PSMD1: variants seen among roughly 807,000 people sequenced by gnomAD.
PSMD1 encodes the protein proteasome 26S subunit, non-ATPase 1.
Under a neutral mutation model 119.0 loss-of-function variants are expected in PSMD1, and 18 were observed. That is an observed-to-expected ratio of 0.15 (90% CI 0.10 to 0.22). PSMD1 has a LOEUF of 0.22. PSMD1 is among the 10% of genes least tolerant of loss of function. The probability of loss-of-function intolerance (pLI) is 1.00; values close to 1 mark genes in which losing one functional copy is unlikely to be tolerated. For missense variants in PSMD1, 702 were observed against 1,158.5 expected, an observed-to-expected ratio of 0.61 and a Z score of 5.72; for synonymous variants, 374 against 396.6, an observed-to-expected ratio of 0.94 and a Z score of 0.68.
At chr2:231,152,578 A>G (rs1005747483) in intron 18 of PSMD1, among the ~76,000 whole-genome samples, 10 of 152,206 alleles carry the variant, frequency 6.6e-5, no homozygotes, top group African/African-American at 1.2e-4. Flanking sequence ...GTGTGATTCT[A>G]TTATTCTGCC....
Position 231,170,442 on chromosome 2 carries a change from C to T in PSMD1, c.2716-124C>T. The T allele has an allele frequency of 9.6e-7, 1 of 1,040,926 alleles. No individual in the cohort carries two copies. The highest frequency in any genetic ancestry group is 1.3e-6 in the Non-Finnish European group (1 of 745,674). 64.5% of individuals were successfully genotyped at this position (1,040,926 alleles called of 1,614,324 possible). A position where few individuals can be genotyped will look rare whatever the true frequency, so the allele number is the denominator to read the frequency against. Reference sequence around the variant, plus strand: ...TTATCTTTATCCCAGTAAAGTTCTACTCCAGTTTTTCACTTCCAAATCATT... The same window carrying T: ...TTATCTTTATCCCAGTAAAGTTCTATTCCAGTTTTTCACTTCCAAATCATT... On this transcript the variant is annotated intron_variant, in intron 23 of 24. Coordinates refer to ENST00000308696, the MANE Select transcript of PSMD1 (RefSeq NM_002807.4). The surrounding 1 kb of genome is among the most constrained non-coding windows in gnomAD (Gnocchi z 4.1).
In PSMD1 at chr2:231,066,960, A is replaced by T. The variant is rs1184337882; in HGVS notation, c.359A>T (p.Glu120Val). 6.2e-7 allele frequency: 1 copy of T among 1,613,242 alleles called. No homozygotes were observed. The highest frequency in any genetic ancestry group is 8.5e-7 in the Non-Finnish European group (1 of 1,179,632). ...TGTGTGGAAAATGCAGATTTGCCTG[A>T]AGGAGAAAAAAAACCAATTGACCAG... ...KQCVENADLP[E>V]GEKKPIDQRL... The change falls in exon 5 of 25, where the codon GAA becomes GTA. Residue 120 changes from glutamate (E) to valine (V), a missense_variant. By Grantham distance (121) the Glu-to-Val change is moderately radical (BLOSUM62 -2). Around this residue, in one of 9 missense-constraint regions of PSMD1, gnomAD observed 50 missense variants for 41.8 expected, o/e 1.20. Coordinates refer to ENST00000308696, the MANE Select transcript of PSMD1 (RefSeq NM_002807.4).
chr2:231,165,189 C>G lies in PSMD1; in HGVS notation c.2482-11C>G, dbSNP rs374103469. 3 of 1,596,038 alleles carry G rather than the reference C, an allele frequency of 1.9e-6. No homozygotes were observed. The highest frequency in any genetic ancestry group is 2.6e-6 in the Non-Finnish European group (3 of 1,169,746). ...AGGGATTACAACAGTTTACCCTGCT[C>G]ATTTCCCCAGGTTTCTACTGCTGTA... is the stretch of plus-strand genomic sequence containing the variant. On this transcript the variant is annotated splice_polypyrimidine_tract_variant and intron_variant, in intron 21 of 24. Coordinates refer to ENST00000308696, the MANE Select transcript of PSMD1 (RefSeq NM_002807.4).
intron 19 of PSMD1, among the ~76,000 whole-genome samples, chr2:231,155,201 A>G (rs960925211): frequency 6.6e-5 from 10 of 152,178 alleles, no homozygotes; most frequent in African/African-American, 2.4e-4. Context: ...ATAACATCTC[A>G]AGGTTTTTAT....
At chr2:231,078,213 A>G (rs1008793581) in intron 9 of PSMD1, among the ~76,000 whole-genome samples, 1 of 152,154 alleles carries the variant, frequency 6.6e-6, no homozygotes, top group Non-Finnish European at 1.5e-5. Flanking sequence ...GGCTGCAGTG[A>G]GCCGAGATCG....
In PSMD1 at chr2:231,170,419, A is replaced by T; in HGVS notation, c.2716-147A>T. The T allele has an allele frequency of 1.3e-6, 1 of 799,490 alleles. No homozygotes were observed. The highest frequency in any genetic ancestry group is 1.8e-5 in the African/African-American group (1 of 56,748). 49.5% of individuals were successfully genotyped at this position (799,490 alleles called of 1,614,324 possible). A position where few individuals can be genotyped will look rare whatever the true frequency, so the allele number is the denominator to read the frequency against. ...CAAATACTTCGTATAGATCACAGTTATCTTTATCCCAGTAAAGTTCTACTC... is the reference window on the plus strand; with the variant it reads ...CAAATACTTCGTATAGATCACAGTTTTCTTTATCCCAGTAAAGTTCTACTC... On this transcript the variant is annotated intron_variant, in intron 23 of 24. Coordinates refer to ENST00000308696, the MANE Select transcript of PSMD1 (RefSeq NM_002807.4). The surrounding 1 kb of genome is among the most constrained non-coding windows in gnomAD (Gnocchi z 4.1).
At chr2:231,133,166 A>G (rs1695889423) in intron 16 of PSMD1, among the ~76,000 whole-genome samples, 3 of 152,090 alleles carry the variant, frequency 2.0e-5, no homozygotes, top group Non-Finnish European at 4.4e-5. Flanking sequence ...AGACAGATAT[A>G]TTCTTTTTTT....
At chr2:231,100,768 A>C (rs1342766953) in intron 16 of PSMD1, among the ~76,000 whole-genome samples, 2 of 152,186 alleles carry the variant, frequency 1.3e-5, no homozygotes, top group Non-Finnish European at 2.9e-5. Context: ...CTGTTTCAAT[A>C]CTTTTATATA....
rs148834421 is a variant in PSMD1 at position 231,144,356 on chromosome 2, A to T, written c.1999-1884A>T. On this transcript the variant is annotated intron_variant, in intron 17 of 24. Coordinates refer to ENST00000308696, the MANE Select transcript of PSMD1 (RefSeq NM_002807.4). ...AACCTCTGCCTCCTTGGTTCAAGCGATTCTCCAGCCTCAGCCTCCTGAGTA... is the reference window on the plus strand; with the variant it reads ...AACCTCTGCCTCCTTGGTTCAAGCGTTTCTCCAGCCTCAGCCTCCTGAGTA... Among the ~76,000 whole-genome samples the T allele has an allele frequency of 4.3e-3, 624 of 144,554 alleles. 6 individuals are homozygous for T. Among genetic ancestry groups the T allele is most frequent in the African/African-American group, 0.015 (605 of 39,394 alleles). The allele number at this position is 144,554 out of a possible 152,430, so 94.8% of individuals were successfully genotyped here.
rs60709158 is a variant in PSMD1 at position 231,139,314 on chromosome 2, C to CTTTTTTTTTTT, written c.1998+477_1998+487dup. ...CCACCGCACCAGGCTTTTTTTCTTT[C>CTTTTTTTTTTT]TTTTTTTTTTTTTTTTTTTTTTTCT... is the stretch of plus-strand genomic sequence containing the variant. On this transcript the variant is annotated intron_variant, in intron 17 of 24. Coordinates refer to ENST00000308696, the MANE Select transcript of PSMD1 (RefSeq NM_002807.4). Among the ~76,000 whole-genome samples the CTTTTTTTTTTT allele has an allele frequency of 4.5e-3, 418 of 93,534 alleles. 1 individual carries two copies. Among genetic ancestry groups the CTTTTTTTTTTT allele is most frequent in the East Asian group, 9.6e-3 (29 of 3,010 alleles). The allele number at this position is 93,534 out of a possible 152,430, so 61.4% of individuals were successfully genotyped here. A position where few individuals can be genotyped will look rare whatever the true frequency, so the allele number is the denominator to read the frequency against.
Position 231,161,327 on chromosome 2 carries a change from T to C in PSMD1, c.2219-13T>C, listed in dbSNP as rs747454182. 1 of 1,586,390 alleles carries C rather than the reference T, an allele frequency of 6.3e-7. No homozygotes were observed. The highest frequency in any genetic ancestry group is 2.2e-5 in the East Asian group (1 of 44,722). ...ATACTATTATTGTTCATGGTTTCTC[T>C]CTTTTTCTACAGGTGGTCATAATGT... On this transcript the variant is annotated splice_polypyrimidine_tract_variant and intron_variant, in intron 19 of 24. Coordinates refer to ENST00000308696, the MANE Select transcript of PSMD1 (RefSeq NM_002807.4).
At chr2:231,063,176 T>C (rs934893092) in intron 4 of PSMD1, among the ~76,000 whole-genome samples, 1 of 152,196 alleles carries the variant, frequency 6.6e-6, no homozygotes, top group Non-Finnish European at 1.5e-5. Flanking sequence ...ACCCATACTG[T>C]TTCTATTTGT....
Position 231,077,138 on chromosome 2 carries a change from C to T in PSMD1, c.1047C>T (p.Asp349=). 1 of 1,540,192 alleles carries T rather than the reference C, an allele frequency of 6.5e-7. No individual in the cohort carries two copies. The highest frequency in any genetic ancestry group is 1.4e-5 in the African/African-American group (1 of 71,634). ...TCTTAATACGAAACAATAATACAGACCTCATGATTCTAAAAAACACAAAGG... is the reference window on the plus strand; with the variant it reads ...TCTTAATACGAAACAATAATACAGATCTCATGATTCTAAAAAACACAAAGG... ...LQFLIRNNNT[D]LMILKNTKDA... Residue 349 remains aspartate (D), a synonymous_variant, in exon 9 of 25, where the codon GAC becomes GAT. Coordinates refer to ENST00000308696, the MANE Select transcript of PSMD1 (RefSeq NM_002807.4).
intron 16 of PSMD1, chr2:231,108,563 G>A (rs1695033522): frequency 6.2e-7 from 1 of 1,613,790 alleles, no homozygotes; most frequent in Admixed American, 1.7e-5. Flanking sequence ...TTCATTTTCA[G>A]TGAGGAGAAG....
chr2:231,096,110 A>G (rs1417237510), intron 16 of PSMD1, among the ~76,000 whole-genome samples: 2 of 152,164 alleles, frequency 1.3e-5, no homozygotes, highest in Non-Finnish European at 2.9e-5. Context: ...GTTCTTTCTA[A>G]TGCTTTTTCT....
intron 20 of PSMD1, among the ~76,000 whole-genome samples, chr2:231,161,814 A>T (rs191151417): frequency 6.6e-6 from 1 of 152,364 alleles, no homozygotes; most frequent in Admixed American, 6.5e-5. Context: ...TTTATTTAAT[A>T]CTAAAGCCTG....
In PSMD1 at chr2:231,066,887, T is replaced by A. The variant is rs1383858454; in HGVS notation, c.305-19T>A. 6.4e-7 allele frequency: 1 copy of A among 1,557,252 alleles called. No individual in the cohort carries two copies. The highest frequency in any genetic ancestry group is 8.7e-7 in the Non-Finnish European group (1 of 1,155,228). ...TAGCCCAATTTACAAGATAATCAGT[T>A]ATTTTATTTCCTCAACAGCAAAATG... On this transcript the variant is annotated intron_variant, in intron 4 of 24. Coordinates refer to ENST00000308696, the MANE Select transcript of PSMD1 (RefSeq NM_002807.4).
intron 16 of PSMD1, among the ~76,000 whole-genome samples, chr2:231,137,608 G>A (rs760114048): frequency 6.6e-5 from 10 of 151,960 alleles, no homozygotes; most frequent in Non-Finnish European, 1.2e-4. Context: ...TGTGTATATA[G>A]TGTGATGCTA....
At chr2:231,111,800 T>C (rs1358870254) in intron 16 of PSMD1, among the ~76,000 whole-genome samples, 1 of 152,206 alleles carries the variant, frequency 6.6e-6, no homozygotes, top group African/African-American at 2.4e-5. Flanking sequence ...GAAGTGGATT[T>C]CTAAATCTAT....
Sources: gnomAD v4.1 joint callset for allele counts (sites outside exome capture counted in the v4.1 genomes callset) on GRCh38, gnomAD v4.1.1 for gene constraint, gnomAD v4.1.1 regional missense constraint, Gnocchi (gnomAD v3.1) non-coding constraint, MANE v1.5 for transcripts, NCBI Gene and HGNC (gene_info 2026-07-23, HGNC 2026-07-21) for gene names.